The following CDH18 variants were observed in gnomAD, a reference collection of about 807,000 sequenced individuals.
CDH18 encodes the protein cadherin-18.
CDH18 carries 31 observed loss-of-function variants against 67.9 expected under a neutral mutation model. The ratio of observed to expected loss-of-function variants is 0.46; its 90% confidence interval spans 0.34 to 0.62. The LOEUF (loss-of-function observed/expected upper bound fraction) is 0.62. Among genes scored for constraint, CDH18 ranks in the 20% least tolerant of loss-of-function variants. The pLI, the probability that CDH18 is intolerant of heterozygous loss-of-function variation, is 0.01. For missense variants in CDH18, 890 were observed against 975.5 expected (o/e 0.91, Z 1.17); for synonymous variants, 362 against 347.2 (o/e 1.04, Z -0.48).
chr5:20,529,298 T>G (rs1756259224), intron 1 of CDH18, among the ~76,000 whole-genome samples: 1 of 150,346 alleles, frequency 6.7e-6, no homozygotes, highest in African/African-American at 2.4e-5. Context: ...CCAGATGGAT[T>G]TACAGCTGAA....
chr5:20,004,314 C>A lies in CDH18; in HGVS notation c.-517-12300G>T, dbSNP rs138777111. Among the ~76,000 whole-genome samples, 13 of 152,288 alleles carry A rather than the reference C, an allele frequency of 8.5e-5. No homozygotes were observed. The East Asian group carries it at 2.3e-3, about 27-fold the overall frequency. On this transcript the variant is annotated intron_variant, in intron 2 of 14. Coordinates refer to the CDH18 transcript ENST00000507958. The stretch of plus-strand genomic sequence containing the variant: ...AAAGAGTATTACATCAAGGTGAAAC[C>A]TTCACTATTTTAGCAACTGGGCATT...
intron 2 of CDH18, among the ~76,000 whole-genome samples, chr5:20,013,238 C>T (rs1034693972): frequency 2.6e-5 from 4 of 152,012 alleles, no homozygotes; most frequent in African/African-American, 7.2e-5. Context: ...TAGGGAAATT[C>T]TTTGACATTC....
At chr5:20,383,654 C>G (rs1447455269) in intron 1 of CDH18, among the ~76,000 whole-genome samples, 2 of 152,090 alleles carry the variant, frequency 1.3e-5, no homozygotes, top group Admixed American at 6.5e-5. Context: ...TTGCGTGAAT[C>G]TTTCATTTGC....
intron 9 of CDH18, among the ~76,000 whole-genome samples, chr5:19,526,042 T>G (rs1334571819): frequency 6.6e-6 from 1 of 152,130 alleles, no homozygotes; most frequent in Non-Finnish European, 1.5e-5. Context: ...CTCAGCACTC[T>G]TCAGGAGCAG....
At chr5:20,509,291 T>C (rs953556798) in intron 1 of CDH18, among the ~76,000 whole-genome samples, 4 of 152,152 alleles carry the variant, frequency 2.6e-5, no homozygotes, top group Non-Finnish European at 5.9e-5. Flanking sequence ...TGAGATAAAC[T>C]TTTTTAGATA....
chr5:20,306,665 C>T lies in CDH18; in HGVS notation c.-579-51160G>A, dbSNP rs923576864. Among the ~76,000 whole-genome samples the T allele has an allele frequency of 4.8e-5, 7 of 147,024 alleles. No individual in the cohort carries two copies. In the South Asian group the frequency reaches 8.3e-4, roughly 18 times the overall value. On this transcript the variant is annotated intron_variant, in intron 1 of 14. Coordinates refer to the CDH18 transcript ENST00000507958. Reference sequence around the variant, plus strand: ...ATTCTAACTGGGGACATAGTTAAACCGTTAGTCCCTGAAGACTTTCCAGAG... The same window carrying T: ...ATTCTAACTGGGGACATAGTTAAACTGTTAGTCCCTGAAGACTTTCCAGAG...
intron 5 of CDH18, among the ~76,000 whole-genome samples, chr5:19,716,640 TCTGA>T (rs1343385082): frequency 6.6e-6 from 1 of 152,040 alleles, no homozygotes; most frequent in Non-Finnish European, 1.5e-5. Flanking sequence ...TGCAAAAGAA[TCTGA>T]CTGACAAAAT....
chr5:20,259,964 T>C (rs758640572), intron 1 of CDH18, among the ~76,000 whole-genome samples: 24 of 151,938 alleles, frequency 1.6e-4, no homozygotes, highest in Non-Finnish European at 3.5e-4. Context: ...TGAAAGTATG[T>C]CTTACAAACA....
intron 2 of CDH18, among the ~76,000 whole-genome samples, chr5:19,900,169 C>T (rs987390991): frequency 6.6e-6 from 1 of 151,806 alleles, no homozygotes; most frequent in African/African-American, 2.4e-5. Flanking sequence ...TAATCTCACT[C>T]AAATGTGAAA....
At chr5:20,489,119 C>A (rs751558403) in intron 1 of CDH18, among the ~76,000 whole-genome samples, 34 of 151,928 alleles carry the variant, frequency 2.2e-4, no homozygotes, top group Non-Finnish European at 3.1e-4. Context: ...CTTGCTGAGA[C>A]CTCTATGCTT....
chr5:20,411,282 T>C (rs2150143733), intron 1 of CDH18, among the ~76,000 whole-genome samples: 1 of 152,004 alleles, frequency 6.6e-6, no homozygotes, highest in South Asian at 2.1e-4. Context: ...ACATGATAGC[T>C]CAGAAACAAA....
At chr5:20,555,732 T>C (rs1373919151) in intron 1 of CDH18, among the ~76,000 whole-genome samples, 2 of 151,930 alleles carry the variant, frequency 1.3e-5, no homozygotes, top group Admixed American at 6.6e-5. Flanking sequence ...AGACAGAGTT[T>C]CAAATCACCC....
At chr5:19,495,091 C>T (rs114087448) in intron 11 of CDH18, among the ~76,000 whole-genome samples, 1 of 152,104 alleles carries the variant, frequency 6.6e-6, no homozygotes, top group Non-Finnish European at 1.5e-5. Context: ...ATAGAGGCAA[C>T]AAGTGCCTGA....
chr5:20,351,187 TGTGTGC>T (rs1041003938), intron 1 of CDH18, among the ~76,000 whole-genome samples: 14 of 144,544 alleles, frequency 9.7e-5, no homozygotes, highest in East Asian at 9.4e-4. Flanking sequence ...TGTGTGTGTG[TGTGTGC>T]GTGTGTGTTA....
intron 3 of CDH18, among the ~76,000 whole-genome samples, chr5:19,826,994 A>C (rs546696259): frequency 6.6e-6 from 1 of 152,294 alleles, no homozygotes; most frequent in African/African-American, 2.4e-5. Context: ...CCCTTCTTAC[A>C]TGCAATGATA....
At position 19,839,247 on chromosome 5, in the gene CDH18, T is replaced by G. The variant is rs1006954684; in HGVS notation, c.-256-5A>C. On this transcript the variant is annotated splice_region_variant and splice_polypyrimidine_tract_variant and intron_variant, in intron 2 of 12. Transcript: ENST00000382275. ...ACACAAGCAACCATTTTCAACCTAA[T>G]GGAAAGAGAAAATTATATGTGTTAC... 11 of 426,130 alleles carry G rather than the reference T, an allele frequency of 2.6e-5. 1 individual carries two copies. The East Asian group carries it at 3.2e-4, about 12-fold the overall frequency. 26.4% of individuals were successfully genotyped at this position (426,130 alleles called of 1,614,324 possible).
At chr5:19,888,564 G>A (rs1229086197) in intron 2 of CDH18, among the ~76,000 whole-genome samples, 2 of 151,624 alleles carry the variant, frequency 1.3e-5, no homozygotes, top group Non-Finnish European at 2.9e-5. Context: ...CTAATTTGGG[G>A]CTGGTCTATA....
chr5:20,469,408 A>T (rs1273384882), intron 1 of CDH18, among the ~76,000 whole-genome samples: 5 of 152,182 alleles, frequency 3.3e-5, no homozygotes, highest in Non-Finnish European at 7.3e-5. Context: ...GGAAACTTTT[A>T]TCTTCGCTTC....
Position 19,612,494 on chromosome 5 carries a change from A to T in CDH18, c.751T>A (p.Ser251Thr), listed in dbSNP as rs749932636. 13 of 1,614,078 alleles carry T rather than the reference A, an allele frequency of 8.1e-6. No individual in the cohort carries two copies. Among genetic ancestry groups the T allele is most frequent in the Non-Finnish European group, 1.7e-6 (2 of 1,179,978 alleles). The change falls in exon 6 of 13, where the codon TCT becomes ACT. Residue 251 changes from serine (S) to threonine (T), a missense_variant. Physicochemically the swap from Ser to Thr is moderately conservative, Grantham distance 58. This residue lies in a region of CDH18 where 656 missense variants were observed against 668.1 expected (regional missense o/e 0.98). Transcript: ENST00000382275. ...GTTAAGGTGATGTTGACTGTTGTAG[A>T]TCCTGAAAGCCCTCCAACTTGCCCA... The part of the protein sequence containing the change: ...MAGQVGGLSG[S>T]TTVNITLTDV...
Sources: gnomAD v4.1 joint callset for allele counts (sites outside exome capture counted in the v4.1 genomes callset) on GRCh38, gnomAD v4.1.1 for gene constraint, gnomAD v4.1.1 regional missense constraint, MANE v1.5 for transcripts, NCBI Gene and HGNC (gene_info 2026-07-23, HGNC 2026-07-21) for gene names.